Variants in GTF2F2 observed in about 807,000 individuals in gnomAD.
The protein encoded by GTF2F2 is general transcription factor IIF subunit 2, also known as ATP-dependent helicase GTF2F2.
GTF2F2 carries 23 observed loss-of-function variants against 42.2 expected under a neutral mutation model. That is an observed-to-expected ratio of 0.55 (90% confidence interval 0.39 to 0.77). The LOEUF (loss-of-function observed/expected upper bound fraction) is 0.77, where lower values mean the gene tolerates loss of function less well. Ranked by LOEUF, GTF2F2 falls within the 30% of genes least tolerant of loss-of-function variation. GTF2F2 has a pLI of 0.00. For synonymous variants in GTF2F2, 105 were observed against 100.8 expected (o/e 1.04, Z -0.25); for missense variants, 261 against 287.2 (o/e 0.91, Z 0.66).
At chr13:45,273,172 C>T (rs1350900680) in intron 7 of GTF2F2, among the ~76,000 whole-genome samples, 7 of 151,624 alleles carry the variant, frequency 4.6e-5, no homozygotes, top group South Asian at 4.2e-4. Context: ...ATGATCCACC[C>T]GCCTCTGCCT....
intron 4 of GTF2F2, among the ~76,000 whole-genome samples, chr13:45,174,987 A>G (rs368857295): frequency 6.6e-6 from 1 of 152,206 alleles, no homozygotes; most frequent in African/African-American, 2.4e-5. Context: ...CTCTTTGAAA[A>G]TATGCACTAA....
chr13:45,243,236 C>T (rs892443131), intron 5 of GTF2F2, among the ~76,000 whole-genome samples: 2 of 152,152 alleles, frequency 1.3e-5, no homozygotes, highest in Non-Finnish European at 1.5e-5. Context: ...TCCTCAACGC[C>T]TGGGCCGCAT....
chr13:45,200,256 A>G (rs1053504162), intron 4 of GTF2F2, among the ~76,000 whole-genome samples: 3 of 152,092 alleles, frequency 2.0e-5, no homozygotes, highest in Non-Finnish European at 4.4e-5. Context: ...TGAGAGAGAG[A>G]GGGAGAGACA....
chr13:45,254,083 AAAAG>A lies in GTF2F2; in HGVS notation c.486+1120_486+1123del, dbSNP rs1264453145. 4.6e-3 allele frequency among the ~76,000 whole-genome samples: 697 copies of A among 151,964 alleles called. 2 individuals carry two copies. The highest frequency in any genetic ancestry group is 0.019 in the East Asian group (98 of 5,178). On this transcript the variant is annotated intron_variant, in intron 6 of 7. Coordinates refer to ENST00000340473, the MANE Select transcript of GTF2F2 (RefSeq NM_004128.3). ...AGACTCCGTCTCAAAAAAAAAAAAA[AAAAG>A]AAAGAAGAAGAGTGAGTACAGAACA...
chr13:45,264,522 G>T lies in GTF2F2; in HGVS notation c.487-2711G>T, dbSNP rs533478050. On this transcript the variant is annotated intron_variant, in intron 6 of 7. Coordinates refer to ENST00000340473, the MANE Select transcript of GTF2F2 (RefSeq NM_004128.3). ...TGACCTCAAATGATCCGCCCACTTT[G>T]TCCTCCCAAAGTTGCTGGGATTACA... Among the ~76,000 whole-genome samples, 23 of 152,080 alleles carry T rather than the reference G, an allele frequency of 1.5e-4. 1 individual carries two copies. Among genetic ancestry groups the T allele is most frequent in the Middle Eastern group, 6.8e-3 (2 of 294 alleles).
intron 5 of GTF2F2, among the ~76,000 whole-genome samples, chr13:45,245,660 G>T (rs1329190219): frequency 3.5e-5 from 4 of 113,280 alleles, no homozygotes; most frequent in African/African-American, 1.3e-4. Context: ...AGTATTCCAT[G>T]GTGTGAATAT....
intron 5 of GTF2F2, among the ~76,000 whole-genome samples, chr13:45,217,618 T>C (rs977676752): frequency 1.3e-5 from 2 of 152,208 alleles, no homozygotes; most frequent in Admixed American, 1.3e-4. Context: ...ATCTCCAGAA[T>C]TGATACTCTT....
intron 5 of GTF2F2, among the ~76,000 whole-genome samples, chr13:45,240,299 G>A (rs1046816958): frequency 6.6e-6 from 1 of 151,828 alleles, no homozygotes; most frequent in African/African-American, 2.4e-5. Context: ...TTTCCCACTT[G>A]TGTCATGACT....
chr13:45,214,622 TAGG>T (rs1432230985), intron 5 of GTF2F2, among the ~76,000 whole-genome samples: 1 of 152,200 alleles, frequency 6.6e-6, no homozygotes, highest in African/African-American at 2.4e-5. Flanking sequence ...ATCTGAATAT[TAGG>T]AGAAAAATTA....
At chr13:45,144,269 T>A (rs938178388) in intron 2 of GTF2F2, among the ~76,000 whole-genome samples, 1 of 151,884 alleles carries the variant, frequency 6.6e-6, no homozygotes, top group Non-Finnish European at 1.5e-5. Flanking sequence ...AAAAATTAGT[T>A]TATAGTTTTG....
At chr13:45,142,582 G>T (rs1869984870) in intron 2 of GTF2F2, among the ~76,000 whole-genome samples, 1 of 152,180 alleles carries the variant, frequency 6.6e-6, no homozygotes, top group African/African-American at 2.4e-5. Context: ...AGGTCTAGCA[G>T]ATTTTCTACC....
At chr13:45,150,667 T>C (rs567966981) in intron 3 of GTF2F2, among the ~76,000 whole-genome samples, 1 of 146,808 alleles carries the variant, frequency 6.8e-6, no homozygotes, top group Admixed American at 6.7e-5. Context: ...AAATCATCTT[T>C]TTTTTTTTTT....
chr13:45,126,486 G>A (rs1427303311), intron 1 of GTF2F2, among the ~76,000 whole-genome samples: 3 of 152,066 alleles, frequency 2.0e-5, no homozygotes, highest in Admixed American at 1.3e-4. Context: ...TCCTGACCTC[G>A]TGATCCCCCT....
In GTF2F2 at chr13:45,136,776, G is replaced by A. The variant is rs778843129; in HGVS notation, c.110G>A (p.Arg37Lys). 5 of 1,602,084 alleles carry A rather than the reference G, an allele frequency of 3.1e-6. No individual in the cohort carries two copies. Among genetic ancestry groups the A allele is most frequent in the Non-Finnish European group, 4.3e-6 (5 of 1,169,710 alleles). ...LSQQWAKASGRGEVGKLRIAK... is the reference protein window; with the variant it reads ...LSQQWAKASGKGEVGKLRIAK... The stretch of plus-strand genomic sequence containing the variant: ...CAGCAATGGGCTAAAGCCTCTGGAA[G>A]AGGTGAAGTTGGGAAACTGCGGATT... The change falls in exon 2 of 8, where the codon AGA (arginine) becomes AAA (lysine). Residue 37 changes from arginine to lysine, a missense_variant. By Grantham distance (26) the Arg-to-Lys change is conservative. Coordinates refer to ENST00000340473, the MANE Select transcript of GTF2F2 (RefSeq NM_004128.3).
At chr13:45,244,304 A>G (rs1021138595) in intron 5 of GTF2F2, among the ~76,000 whole-genome samples, 1 of 152,220 alleles carries the variant, frequency 6.6e-6, no homozygotes, top group African/African-American at 2.4e-5. Context: ...GATTAATAGC[A>G]TGAACCCTAG....
intron 4 of GTF2F2, among the ~76,000 whole-genome samples, chr13:45,155,409 TTG>T (rs1270178826): frequency 1.3e-5 from 2 of 152,232 alleles, no homozygotes; most frequent in Admixed American, 1.3e-4. Flanking sequence ...GTAAGGAAAC[TTG>T]AAACCACATT....
intron 5 of GTF2F2, among the ~76,000 whole-genome samples, chr13:45,244,294 G>A (rs1875475645): frequency 6.6e-6 from 1 of 152,082 alleles, no homozygotes; most frequent in Admixed American, 6.6e-5. Context: ...ATAGAGTTAG[G>A]ATTAATAGCA....
intron 4 of GTF2F2, among the ~76,000 whole-genome samples, chr13:45,184,474 G>A (rs892177924): frequency 2.0e-5 from 3 of 148,644 alleles, no homozygotes; most frequent in Non-Finnish European, 4.4e-5. Context: ...CTGCAGCCTC[G>A]AACTCTTGGG....
chr13:45,281,342 A>G (rs977091288), intron 7 of GTF2F2, among the ~76,000 whole-genome samples: 11 of 152,170 alleles, frequency 7.2e-5, no homozygotes, highest in African/African-American at 2.7e-4. Flanking sequence ...ATCAGCTATT[A>G]TGTTTCTAGG....
Sources: gnomAD v4.1 joint callset for allele counts (sites outside exome capture counted in the v4.1 genomes callset) on GRCh38, gnomAD v4.1.1 for gene constraint, MANE v1.5 for transcripts, NCBI Gene and HGNC (gene_info 2026-07-23, HGNC 2026-07-21) for gene names.